RAF1: variants seen among roughly 807,000 people sequenced by gnomAD.
The protein encoded by RAF1 is RAF proto-oncogene serine/threonine-protein kinase.
A neutral mutation model predicts 81.1 loss-of-function variants in RAF1; 27 were observed. That is an observed-to-expected ratio of 0.33 (90% CI 0.25 to 0.46). The LOEUF (loss-of-function observed/expected upper bound fraction) is 0.46, where lower values mean the gene tolerates loss of function less well. Ranked by LOEUF, RAF1 falls within the 20% of genes least tolerant of loss-of-function variation. The pLI is 1.00. For missense variants in RAF1, 598 were observed against 826.0 expected (o/e 0.72, Z 3.38); for synonymous variants, 298 against 294.0 (o/e 1.01, Z -0.14).
intron 1 of RAF1, among the ~76,000 whole-genome samples, chr3:12,644,062 GT>G (rs1025046425): frequency 1.3e-5 from 2 of 152,080 alleles, no homozygotes; most frequent in South Asian, 2.1e-4. Context: ...GGTTTTGCTG[GT>G]TTTTTTCAGT....
intron 3 of RAF1, among the ~76,000 whole-genome samples, chr3:12,611,207 TTTTG>T (rs533947097): frequency 1.3e-5 from 2 of 152,076 alleles, no homozygotes; most frequent in East Asian, 3.9e-4. Context: ...ATGTGTTTGT[TTTTG>T]TTTTTTTGTT....
At chr3:12,634,953 T>A (rs1280334814) in intron 1 of RAF1, among the ~76,000 whole-genome samples, 1 of 152,158 alleles carries the variant, frequency 6.6e-6, no homozygotes. Context: ...ATAAGAGATA[T>A]GTATACAAGA....
chr3:12,599,675 A>C lies in RAF1; in HGVS notation c.1168+16T>G. ...CCAAAGCCCTGCAGTTAGTAAAGGG[A>C]GGGCCCCAAGCTTACCGTGCCATTT... On this transcript the variant is annotated intron_variant, in intron 11 of 17. Coordinates refer to ENST00000442415, the MANE Select transcript of RAF1 (RefSeq NM_001354689.3). 38 of 1,578,900 alleles carry C rather than the reference A, an allele frequency of 2.4e-5. No individual in the cohort carries two copies. Among genetic ancestry groups the C allele is most frequent in the Non-Finnish European group, 2.9e-5 (33 of 1,147,838 alleles).
chr3:12,598,734 A>AAAAAAC (rs1223575303), intron 11 of RAF1, among the ~76,000 whole-genome samples: 6 of 109,458 alleles, frequency 5.5e-5, no homozygotes, highest in African/African-American at 2.6e-4. Flanking sequence ...TCAAAAAAAA[A>AAAAAAC]AAAAAAAAAA....
chr3:12,631,045 C>T (rs905499513), intron 1 of RAF1, among the ~76,000 whole-genome samples: 1 of 152,046 alleles, frequency 6.6e-6, no homozygotes, highest in Non-Finnish European at 1.5e-5. Flanking sequence ...TTGTTCCAGG[C>T]TCACTAACTC....
intron 8 of RAF1, among the ~76,000 whole-genome samples, chr3:12,600,864 G>T (rs1354102881): frequency 6.6e-6 from 1 of 152,154 alleles, no homozygotes; most frequent in Non-Finnish European, 1.5e-5. Context: ...GCCAAGCCTG[G>T]TATTAGTTTT....
intron 5 of RAF1, among the ~76,000 whole-genome samples, chr3:12,607,209 A>G (rs534612053): frequency 6.6e-6 from 1 of 152,322 alleles, no homozygotes; most frequent in Admixed American, 6.5e-5. Context: ...ACTTGTGCTT[A>G]GTAATTTCAC....
At chr3:12,619,670 C>A (rs756572726) in intron 1 of RAF1, among the ~76,000 whole-genome samples, 2 of 151,912 alleles carry the variant, frequency 1.3e-5, no homozygotes, top group Non-Finnish European at 2.9e-5. Flanking sequence ...GCAACTACTA[C>A]CCTTGAGTGT....
chr3:12,634,093 G>A (rs1482010256), intron 1 of RAF1, among the ~76,000 whole-genome samples: 1 of 151,602 alleles, frequency 6.6e-6, no homozygotes, highest in Non-Finnish European at 1.5e-5. Context: ...GACAGAACTA[G>A]AGAGATATTT....
At chr3:12,605,582 G>C (rs943749286) in intron 6 of RAF1, among the ~76,000 whole-genome samples, 1 of 152,096 alleles carries the variant, frequency 6.6e-6, no homozygotes, top group African/African-American at 2.4e-5. Context: ...CTGGCCTAAA[G>C]TAAGATATTT....
Position 12,611,934 on chromosome 3 carries a change from A to T in RAF1, c.320+16T>A, listed in dbSNP as rs2125429944. On this transcript the variant is annotated intron_variant, in intron 3 of 17. Transcript: ENST00000442415. ...CTTACTAGTCTGAAGAAGTCAATTG[A>T]CTTTTGAGCTCTTACCCTTTGTGTT... The T allele has an allele frequency of 3.7e-6, 6 of 1,600,524 alleles. No homozygotes were observed. The highest frequency in any genetic ancestry group is 5.1e-6 in the Non-Finnish European group (6 of 1,167,536).
intron 1 of RAF1, among the ~76,000 whole-genome samples, chr3:12,656,916 G>A: frequency 6.6e-6 from 1 of 150,930 alleles, no homozygotes. Context: ...AGAATCACTT[G>A]AACCCGGGAG....
intron 11 of RAF1, among the ~76,000 whole-genome samples, chr3:12,592,971 C>T (rs1017819472): frequency 8.6e-5 from 13 of 151,826 alleles, no homozygotes; most frequent in Non-Finnish European, 2.9e-5. Context: ...GATCTCCTGA[C>T]CTTGTGAGGC....
At chr3:12,642,714 AC>A (rs1224614442) in intron 1 of RAF1, among the ~76,000 whole-genome samples, 2 of 148,816 alleles carry the variant, frequency 1.3e-5, no homozygotes, top group African/African-American at 5.0e-5. Context: ...ACACACACAC[AC>A]ACACAAAATA....
intron 1 of RAF1, among the ~76,000 whole-genome samples, chr3:12,620,059 G>A (rs1016973811): frequency 6.6e-6 from 1 of 152,030 alleles, no homozygotes; most frequent in African/African-American, 2.4e-5. Flanking sequence ...TCCAGCCTGG[G>A]GGACAGAGCA....
chr3:12,632,217 G>A (rs1252420955), intron 1 of RAF1, among the ~76,000 whole-genome samples: 7 of 150,972 alleles, frequency 4.6e-5, no homozygotes, highest in African/African-American at 7.3e-5. Context: ...CCAGCTACTC[G>A]GGAGGCTGAG....
intron 12 of RAF1, among the ~76,000 whole-genome samples, chr3:12,591,334 A>G (rs556300470): frequency 7.2e-5 from 11 of 152,282 alleles, no homozygotes; most frequent in African/African-American, 2.6e-4. Context: ...AAAGATTGGA[A>G]AGCTGACTGT....
intron 1 of RAF1, among the ~76,000 whole-genome samples, chr3:12,663,221 C>G (rs945357919): frequency 6.6e-6 from 1 of 152,192 alleles, no homozygotes; most frequent in Non-Finnish European, 1.5e-5. Context: ...GCTCTTCATT[C>G]CAAAGCGTCC....
chr3:12,603,858 C>A (rs1273640684), intron 7 of RAF1, among the ~76,000 whole-genome samples: 1 of 152,200 alleles, frequency 6.6e-6, no homozygotes, highest in Non-Finnish European at 1.5e-5. Context: ...ATATCTTAGA[C>A]ACTTGTTCAT....
Sources: allele counts gnomAD v4.1 joint callset (sites outside exome capture counted in the v4.1 genomes callset), GRCh38; gene constraint gnomAD v4.1.1; transcripts MANE v1.5; gene names NCBI Gene and HGNC (gene_info 2026-07-23, HGNC 2026-07-21).